Variants in DLG1 observed in about 807,000 individuals in gnomAD.
DLG1 encodes disks large homolog 1.
DLG1 carries 42 observed loss-of-function variants against 123.4 expected under a neutral mutation model. The observed-to-expected ratio is 0.34, with a 90% CI of 0.27 to 0.44. The LOEUF is 0.44. Among genes scored for constraint, DLG1 ranks in the 20% least tolerant of loss-of-function variants. The probability of loss-of-function intolerance (pLI) is 1.00; values close to 1 mark genes in which losing one functional copy is unlikely to be tolerated. For synonymous variants in DLG1, 317 were observed against 356.2 expected (o/e 0.89, Z 1.24); for missense variants, 942 against 1,082.6 (o/e 0.87, Z 1.82).
At position 197,043,551 on chromosome 3, in the gene DLG1, C is replaced by T. The variant is rs1397479370; in HGVS notation, c.*1072G>A. ...CAAACAAAAAGTTAGGAGTAGGTGG[C>T]AAAAGAAACAAAATATATTTTAAAT... On this transcript the variant is annotated 3_prime_UTR_variant, in exon 25 of 25. Transcript: ENST00000667157. 3 of 151,302 alleles carry T rather than the reference C, an allele frequency of 2.0e-5. No individual in the cohort carries two copies. The highest frequency in any genetic ancestry group is 3.2e-3 in the Middle Eastern group (1 of 314). 9.4% of individuals were successfully genotyped at this position (151,302 alleles called of 1,614,324 possible). A position where few individuals can be genotyped will look rare whatever the true frequency, so the allele number is the denominator to read the frequency against.
At chr3:197,146,681 G>A (rs1790946200) in intron 6 of DLG1, among the ~76,000 whole-genome samples, 1 of 152,068 alleles carries the variant, frequency 6.6e-6, no homozygotes, top group Non-Finnish European at 1.5e-5. Context: ...TCTAAGACCT[G>A]AAACCATTAA....
intron 5 of DLG1, among the ~76,000 whole-genome samples, chr3:197,169,067 T>C (rs58415769): frequency 0.016 from 2,433 of 152,362 alleles, 69 homozygotes; most frequent in African/African-American, 0.054. Context: ...TTAAATCTAA[T>C]TTAAGATCTT....
At chr3:197,118,843 C>A (rs776426082) in intron 12 of DLG1, among the ~76,000 whole-genome samples, 2 of 152,078 alleles carry the variant, frequency 1.3e-5, no homozygotes. Context: ...AGCAAACAAA[C>A]AAACCCACCC....
chr3:197,181,616 G>T (rs1459426026), intron 5 of DLG1, among the ~76,000 whole-genome samples: 1 of 151,856 alleles, frequency 6.6e-6, no homozygotes, highest in Non-Finnish European at 1.5e-5. Context: ...ATCAACTCCA[G>T]TAAGTTATAA....
intron 4 of DLG1, among the ~76,000 whole-genome samples, chr3:197,243,830 A>G (rs1750219686): frequency 6.6e-6 from 1 of 152,160 alleles, no homozygotes; most frequent in African/African-American, 2.4e-5. Flanking sequence ...CGGGCTTTAA[A>G]TTCATTTCGT....
chr3:197,088,173 A>G (rs762672391), intron 15 of DLG1, among the ~76,000 whole-genome samples: 25 of 152,186 alleles, frequency 1.6e-4, no homozygotes, highest in Non-Finnish European at 3.5e-4. Context: ...TCATTTCTCT[A>G]TTCCTAAGAG....
chr3:197,280,144 A>T (rs1307110511), intron 4 of DLG1, among the ~76,000 whole-genome samples: 1 of 151,688 alleles, frequency 6.6e-6, no homozygotes, highest in Non-Finnish European at 1.5e-5. Context: ...TCCCTCTCCC[A>T]CCCTTCCCAG....
chr3:197,187,039 T>C (rs1716485631), intron 5 of DLG1, among the ~76,000 whole-genome samples: 1 of 152,220 alleles, frequency 6.6e-6, no homozygotes, highest in South Asian at 2.1e-4. Context: ...ATGTGGGCTA[T>C]TAAATTTCAA....
intron 4 of DLG1, among the ~76,000 whole-genome samples, chr3:197,236,689 CAA>C (rs541153402): frequency 6.6e-6 from 1 of 152,118 alleles, no homozygotes; most frequent in Non-Finnish European, 1.5e-5. Flanking sequence ...GCTGCAGAAC[CAA>C]AGTCAAGAAA....
intron 4 of DLG1, among the ~76,000 whole-genome samples, chr3:197,203,420 A>G (rs1219724853): frequency 6.6e-6 from 1 of 152,132 alleles, no homozygotes; most frequent in East Asian, 1.9e-4. Flanking sequence ...CAAAAGTAGG[A>G]TATTTTAAAT....
chr3:197,053,157 A>G (rs1438301645), intron 23 of DLG1, among the ~76,000 whole-genome samples: 1 of 152,158 alleles, frequency 6.6e-6, no homozygotes, highest in East Asian at 1.9e-4. Context: ...CAGCTGGATG[A>G]TGAGTATAGA....
At chr3:197,249,739 A>C (rs911174717) in intron 4 of DLG1, among the ~76,000 whole-genome samples, 1 of 152,246 alleles carries the variant, frequency 6.6e-6, no homozygotes, top group African/African-American at 2.4e-5. Flanking sequence ...GATTCACCTC[A>C]GGAATGCAAG....
intron 5 of DLG1, among the ~76,000 whole-genome samples, chr3:197,156,674 T>TAA (rs978073749): frequency 3.0e-4 from 45 of 151,974 alleles, no homozygotes; most frequent in Admixed American, 7.9e-4. Flanking sequence ...ACAGACAAAA[T>TAA]AGACTTTAAA....
chr3:197,131,584 C>CT (rs773487577), intron 10 of DLG1, among the ~76,000 whole-genome samples: 7,712 of 65,834 alleles, frequency 0.12, 1,350 homozygotes, highest in Non-Finnish European at 0.14. Flanking sequence ...TTCTTCCTTT[C>CT]TTTTTTTTTT....
chr3:197,094,299 G>C (rs1759412787), intron 14 of DLG1, among the ~76,000 whole-genome samples: 2 of 152,088 alleles, frequency 1.3e-5, no homozygotes, highest in African/African-American at 4.8e-5. Flanking sequence ...TTAAGCTTGG[G>C]GTAGTATCTC....
intron 4 of DLG1, among the ~76,000 whole-genome samples, chr3:197,275,985 C>T (rs560429565): frequency 1.3e-5 from 2 of 152,290 alleles, no homozygotes; most frequent in South Asian, 4.1e-4. Flanking sequence ...ATACCACAAG[C>T]ACCATATAAA....
chr3:197,101,679 G>A (rs888862980), intron 14 of DLG1, among the ~76,000 whole-genome samples: 1 of 152,030 alleles, frequency 6.6e-6, no homozygotes, highest in Non-Finnish European at 1.5e-5. Flanking sequence ...GTGAGCCACC[G>A]CGCCTGGCCA....
rs547091779 is a variant in DLG1 at position 197,291,393 on chromosome 3, A to C, written c.151+4953T>G. Among the ~76,000 whole-genome samples the C allele has an allele frequency of 5.9e-5, 9 of 152,212 alleles. No homozygotes were observed. In the South Asian group the frequency reaches 1.9e-3, roughly 32 times the overall value. On this transcript the variant is annotated intron_variant, in intron 3 of 24. Transcript: ENST00000667157. The stretch of plus-strand genomic sequence containing the variant: ...CAGTGGGACTAATATAATGCAAAAG[A>C]AATTTAAGAAATTTTGACATTTTAC...
intron 16 of DLG1, among the ~76,000 whole-genome samples, chr3:197,082,752 G>A (rs1751955160): frequency 6.6e-6 from 1 of 152,176 alleles, no homozygotes; most frequent in African/African-American, 2.4e-5. Flanking sequence ...TTTTACGGGA[G>A]TAAGATTATA....
Sources: gnomAD v4.1 joint callset for allele counts (sites outside exome capture counted in the v4.1 genomes callset) on GRCh38, gnomAD v4.1.1 for gene constraint, MANE v1.5 for transcripts, NCBI Gene and HGNC (gene_info 2026-07-23, HGNC 2026-07-21) for gene names.